MYO1F: variants seen among roughly 807,000 people sequenced by gnomAD.
MYO1F encodes unconventional myosin-If.
MYO1F carries 60 observed loss-of-function variants against 146.6 expected under a neutral mutation model. The ratio of observed to expected loss-of-function variants is 0.41; its 90% CI spans 0.33 to 0.51. The LOEUF is 0.51. MYO1F is among the 20% of genes least tolerant of loss of function. MYO1F has a pLI of 0.25. For missense variants in MYO1F, 1,274 were observed against 1,534.3 expected (o/e 0.83, Z 2.83); for synonymous variants, 602 against 602.1 (o/e 1.00, Z 0.00).
intron 1 of MYO1F, among the ~76,000 whole-genome samples, chr19:8,560,726 C>T (rs1319830707): frequency 7.0e-6 from 1 of 142,712 alleles, no homozygotes; most frequent in African/African-American, 2.7e-5. Context: ...CAGGCACATG[C>T]CACCACGCCT....
At chr19:8,557,760 G>A (rs895973411) in intron 1 of MYO1F, among the ~76,000 whole-genome samples, 2 of 152,192 alleles carry the variant, frequency 1.3e-5, no homozygotes, top group Non-Finnish European at 2.9e-5. Context: ...TTGGTGGGAA[G>A]TGGGCGCATC....
chr19:8,574,896 C>G (rs1422609792), intron 1 of MYO1F, among the ~76,000 whole-genome samples: 11 of 150,452 alleles, frequency 7.3e-5, no homozygotes, highest in African/African-American at 2.4e-4. Flanking sequence ...GCTGGGGTTA[C>G]AGGCGCGCAC....
intron 1 of MYO1F, among the ~76,000 whole-genome samples, chr19:8,556,242 C>G (rs2145931231): frequency 6.6e-6 from 1 of 151,190 alleles, no homozygotes; most frequent in South Asian, 2.1e-4. Flanking sequence ...GTTGGCCAGG[C>G]TGGTCTGGAA....
chr19:8,560,826 T>C (rs1193437667), intron 1 of MYO1F, among the ~76,000 whole-genome samples: 13 of 150,156 alleles, frequency 8.7e-5, no homozygotes. Context: ...GCAAGCTCTG[T>C]CTCCTGTGTT....
intron 12 of MYO1F, 57 bp from the exon 13 acceptor site, chr19:8,545,793 C>A: frequency 8.5e-7 from 1 of 1,176,716 alleles, no homozygotes. Flanking sequence ...GGCCACCCTT[C>A]CCCCCATGTC....
chr19:8,524,788 A>G (rs1301262231), intron 25 of MYO1F, among the ~76,000 whole-genome samples: 2 of 152,094 alleles, frequency 1.3e-5, no homozygotes, highest in Admixed American at 1.3e-4. Context: ...TTCTGTGGGT[A>G]CGTCTTGGTG....
In MYO1F at chr19:8,548,327, G is replaced by C. The variant is rs1351636850; in HGVS notation, c.1102-10C>G. On this transcript the variant is annotated splice_polypyrimidine_tract_variant and intron_variant, in intron 10 of 27. Transcript: ENST00000644032. ...TAGCACGGTTGATGGCCTGCGGTGTGGGTGGGGACAGGAAGTCAGTGGGCA... is the reference window on the plus strand; with the variant it reads ...TAGCACGGTTGATGGCCTGCGGTGTCGGTGGGGACAGGAAGTCAGTGGGCA... 1 of 1,603,606 alleles carries C rather than the reference G, an allele frequency of 6.2e-7. No homozygotes were observed. The highest frequency in any genetic ancestry group is 8.5e-7 in the Non-Finnish European group (1 of 1,179,748).
intron 14 of MYO1F, chr19:8,544,038 GTGC>G (rs1262120631): frequency 1.8e-5 from 10 of 554,398 alleles, no homozygotes; most frequent in African/African-American, 8.6e-5. Flanking sequence ...GGCGGTGGCG[GTGC>G]TGGTGGTGGT....
Position 8,527,381 on chromosome 19 carries a change from T to C in MYO1F, c.2431A>G (p.Lys811Glu). The C allele has an allele frequency of 6.2e-7, 1 of 1,614,116 alleles. No individual in the cohort carries two copies. The highest frequency in any genetic ancestry group is 8.5e-7 in the Non-Finnish European group (1 of 1,180,016). The change falls in exon 22 of 28, where the codon AAG (lysine) becomes GAG (glutamate). Residue 811 changes from lysine to glutamate, a missense_variant. Around this residue, in one of 2 missense-constraint regions of MYO1F, gnomAD observed 900 missense variants for 1,155.1 expected, o/e 0.78. Coordinates refer to ENST00000644032, the MANE Select transcript of MYO1F (RefSeq NM_012335.4). ...PEKGQVCEVL[K>E]KKVDIQALRG... is the part of the protein sequence containing the mutation. Reference sequence around the variant, plus strand: ...AGAGCCTGGATGTCCACTTTCTTCTTCAAGACTTCACACACCTGGCCCTTC... The same window carrying C: ...AGAGCCTGGATGTCCACTTTCTTCTCCAAGACTTCACACACCTGGCCCTTC...
At chr19:8,543,155 C>T (rs1316012570) in intron 14 of MYO1F, among the ~76,000 whole-genome samples, 3 of 152,166 alleles carry the variant, frequency 2.0e-5, no homozygotes, top group East Asian at 1.9e-4. Flanking sequence ...CCACCCGCCT[C>T]AGCCTCCCAA....
At chr19:8,570,630 G>A (rs1338413105) in intron 1 of MYO1F, among the ~76,000 whole-genome samples, 2 of 151,422 alleles carry the variant, frequency 1.3e-5, no homozygotes, top group African/African-American at 2.4e-5. Context: ...ACCTCCCAAA[G>A]TGCTGGAATG....
At chr19:8,522,862 A>T (rs1355120902) in intron 25 of MYO1F, 33 bp from the exon 26 acceptor site, 7 of 1,526,678 alleles carry the variant, frequency 4.6e-6, no homozygotes, top group Non-Finnish European at 5.3e-6. Context: ...GACATGTATT[A>T]GGGTGATGCT....
chr19:8,532,163 AAAAG>A (rs1034216614), intron 19 of MYO1F, among the ~76,000 whole-genome samples: 13 of 152,164 alleles, frequency 8.5e-5, no homozygotes, highest in Middle Eastern at 3.4e-3. Flanking sequence ...CTCAAAAAAA[AAAAG>A]AAAGAAAAAG....
In MYO1F at chr19:8,577,179, C is replaced by T; in HGVS notation, c.3+128G>A. 2.6e-6 allele frequency: 3 copies of T among 1,140,182 alleles called. No homozygotes were observed. Among genetic ancestry groups the T allele is most frequent in the Non-Finnish European group, 2.6e-6 (2 of 774,116 alleles). The allele number at this position is 1,140,182 out of a possible 1,614,324, so 70.6% of individuals were successfully genotyped here. On this transcript the variant is annotated intron_variant, in intron 1 of 27. Transcript: ENST00000644032. This position sits in a 1 kb window ranked among gnomAD's most constrained non-coding sequence, Gnocchi z 4.3. Reference sequence around the variant, plus strand: ...GCACCTGAGCTGCACTGAGAGACACCCCACCCCCACAGAAGTCCACCATGC... The same window carrying T: ...GCACCTGAGCTGCACTGAGAGACACTCCACCCCCACAGAAGTCCACCATGC...
intron 25 of MYO1F, among the ~76,000 whole-genome samples, chr19:8,524,715 T>C (rs996265844): frequency 2.6e-5 from 4 of 152,166 alleles, no homozygotes; most frequent in African/African-American, 9.7e-5. Flanking sequence ...GTGAGCCATC[T>C]TGCCTGGCCA....
intron 1 of MYO1F, among the ~76,000 whole-genome samples, chr19:8,571,421 CTT>C (rs1293646512): frequency 3.5e-5 from 5 of 144,718 alleles, no homozygotes; most frequent in Admixed American, 6.9e-5. Context: ...CTCTCTCTCT[CTT>C]TTTTTTTTTT....
At position 8,526,761 on chromosome 19, in the gene MYO1F, GAT is replaced by G. The variant is rs1972288571; in HGVS notation, c.2621+26_2621+27del. 1.0e-5 allele frequency: 16 copies of G among 1,591,234 alleles called. No individual in the cohort carries two copies. In the Admixed American group the frequency reaches 2.3e-4, roughly 23 times the overall value. ...GTGCGCCGCGCCGAGACCACCCCGA[GAT>G]GGTGCTGGGGTTGGCGGGGCCGTAC... On this transcript the variant is annotated intron_variant, in intron 23 of 27. Coordinates refer to ENST00000644032, the MANE Select transcript of MYO1F (RefSeq NM_012335.4).
chr19:8,547,599 G>C (rs1973422089), intron 12 of MYO1F, among the ~76,000 whole-genome samples: 1 of 121,302 alleles, frequency 8.2e-6, no homozygotes, highest in Non-Finnish European at 1.5e-5. Flanking sequence ...ACGAGACTTT[G>C]TCTCAAAAAA....
rs1434578820 is a variant in MYO1F at position 8,522,835 on chromosome 19, G to A, written c.2855-6C>T. On this transcript the variant is annotated splice_region_variant and splice_polypyrimidine_tract_variant and intron_variant, in intron 25 of 27. Coordinates refer to ENST00000644032, the MANE Select transcript of MYO1F (RefSeq NM_012335.4). The stretch of plus-strand genomic sequence containing the variant: ...CACCCCATTGCGATCCATGCCTGTG[G>A]CAGGAGCAAGGATGAAGACATGTAT... The A allele has an allele frequency of 6.4e-7, 1 of 1,555,418 alleles. No individual in the cohort carries two copies.
Sources: allele counts gnomAD v4.1 joint callset (sites outside exome capture counted in the v4.1 genomes callset), GRCh38; gene constraint gnomAD v4.1.1; regional missense constraint gnomAD v4.1.1; non-coding constraint Gnocchi (gnomAD v3.1); transcripts MANE v1.5; gene names NCBI Gene and HGNC (gene_info 2026-07-23, HGNC 2026-07-21).